UBA2: variants seen among roughly 807,000 people sequenced by gnomAD.
The protein encoded by UBA2 is ubiquitin like modifier activating enzyme 2, also known as SUMO-activating enzyme subunit 2.
A neutral mutation model predicts 77.2 loss-of-function variants in UBA2; 11 were observed. The observed-to-expected ratio is 0.14, with a 90% CI of 0.09 to 0.24. The LOEUF is 0.24. Among genes scored for constraint, UBA2 ranks in the 10% least tolerant of loss-of-function variants. The pLI is 1.00. For missense variants in UBA2, 487 were observed against 781.7 expected (o/e 0.62, Z 4.50); for synonymous variants, 278 against 276.7 (o/e 1.00, Z -0.05).
At position 34,464,096 on chromosome 19, in the gene UBA2, C is replaced by T. The variant is rs1450033763; in HGVS notation, c.1569C>T (p.Leu523=). 4 of 1,613,418 alleles carry T rather than the reference C, an allele frequency of 2.5e-6. No homozygotes were observed. The highest frequency in any genetic ancestry group is 2.2e-5 in the South Asian group (2 of 91,056). ...GCCGGCTTCAAGCAGATGACTTCCT[C>T]CAGGACTATACTTTATTGATCAACA... ...NGSRLQADDF[L]QDYTLLINIL... is the part of the protein sequence containing the mutation. The change falls in exon 15 of 17, where the codon CTC becomes CTT. Residue 523 remains leucine, a synonymous_variant. Coordinates refer to ENST00000246548, the MANE Select transcript of UBA2 (RefSeq NM_005499.3).
At chr19:34,462,065 G>A (rs1278209752) in intron 14 of UBA2, among the ~76,000 whole-genome samples, 1 of 152,162 alleles carries the variant, frequency 6.6e-6, no homozygotes, top group East Asian at 1.9e-4. Context: ...GTGCTGAGGG[G>A]TTGGCAGCAG....
intron 15 of UBA2, 97 bp from the exon 16 acceptor site, chr19:34,466,781 G>GTA (rs2075692909): frequency 1.0e-6 from 1 of 983,052 alleles, no homozygotes; most frequent in African/African-American, 1.6e-5. Context: ...CATATTTGGT[G>GTA]TATACATAGT....
intron 10 of UBA2, among the ~76,000 whole-genome samples, chr19:34,453,875 T>C (rs1314188079): frequency 4.6e-5 from 7 of 152,144 alleles, no homozygotes; most frequent in Non-Finnish European, 8.8e-5. Context: ...GGATTCTGTG[T>C]TTGTCCAGCA....
intron 16 of UBA2, among the ~76,000 whole-genome samples, chr19:34,468,102 A>C (rs2075706668): frequency 6.6e-6 from 1 of 152,134 alleles, no homozygotes; most frequent in Non-Finnish European, 1.5e-5. Context: ...CTGATTGTTT[A>C]CTGTATTCTG....
rs2075262751 is a variant in UBA2 at position 34,432,102 on chromosome 19, T to G, written c.293+171T>G. 8.2e-6 allele frequency: 4 copies of G among 486,054 alleles called. No individual in the cohort carries two copies. In the Admixed American group the frequency reaches 1.1e-4, roughly 14 times the overall value. The allele number at this position is 486,054 out of a possible 1,614,324, so 30.1% of individuals were successfully genotyped here. A position where few individuals can be genotyped will look rare whatever the true frequency, so the allele number is the denominator to read the frequency against. The stretch of plus-strand genomic sequence containing the variant: ...TTTTACCAGTTCATAAATACATGGT[T>G]TGAATGATTTAGAATGGTGAGATAG... On this transcript the variant is annotated intron_variant, in intron 3 of 16. Transcript: ENST00000246548.
chr19:34,457,039 A>G (rs1440024787), intron 12 of UBA2, among the ~76,000 whole-genome samples: 1 of 150,326 alleles, frequency 6.7e-6, no homozygotes, highest in Non-Finnish European at 1.5e-5. Context: ...ATTAATAGTA[A>G]TATATCTGGC....
At chr19:34,466,501 C>G (rs1013573403) in intron 15 of UBA2, among the ~76,000 whole-genome samples, 1 of 152,098 alleles carries the variant, frequency 6.6e-6, no homozygotes, top group Non-Finnish European at 1.5e-5. Flanking sequence ...AACAAAAAAC[C>G]AAAACCTTGC....
intron 1 of UBA2, among the ~76,000 whole-genome samples, chr19:34,429,695 G>A (rs1568365386): frequency 6.6e-6 from 1 of 151,898 alleles, no homozygotes; most frequent in East Asian, 2.0e-4. Context: ...AATTAGCGGG[G>A]CGTGGTGGTG....
rs1177818736 is a variant in UBA2 at position 34,453,408 on chromosome 19, C to T, written c.1039-852C>T. On this transcript the variant is annotated intron_variant, in intron 10 of 16. Coordinates refer to ENST00000246548, the MANE Select transcript of UBA2 (RefSeq NM_005499.3). Reference sequence around the variant, plus strand: ...AACAGGAAAAACTTGGATTGTATTGCCTTATTTGAAGAAACAGCATATGTG... The same window carrying T: ...AACAGGAAAAACTTGGATTGTATTGTCTTATTTGAAGAAACAGCATATGTG... 2.6e-5 allele frequency among the ~76,000 whole-genome samples: 4 copies of T among 151,872 alleles called. No individual in the cohort carries two copies. The East Asian group carries it at 7.7e-4, about 29-fold the overall frequency.
chr19:34,431,768 T>C, intron 2 of UBA2, 93 bp from the exon 3 acceptor site: 1 of 1,068,244 alleles, frequency 9.4e-7, no homozygotes, highest in Non-Finnish European at 1.4e-6. Flanking sequence ...AATAAGGTAC[T>C]ATGTAAGTAG....
At chr19:34,459,970 G>A (rs1302602472) in intron 13 of UBA2, among the ~76,000 whole-genome samples, 1 of 152,082 alleles carries the variant, frequency 6.6e-6, no homozygotes, top group African/African-American at 2.4e-5. Context: ...TCTATTTGTA[G>A]GATTCTTAGA....
At chr19:34,446,601 T>TC (rs1273401938) in intron 8 of UBA2, among the ~76,000 whole-genome samples, 7 of 71,414 alleles carry the variant, frequency 9.8e-5, no homozygotes, top group Admixed American at 9.1e-4. Context: ...TGTTGACTTT[T>TC]TTTTTTCTTT....
At chr19:34,467,526 AC>A (rs1344157127) in intron 16 of UBA2, among the ~76,000 whole-genome samples, 9 of 151,928 alleles carry the variant, frequency 5.9e-5, no homozygotes, top group African/African-American at 2.2e-4. Context: ...TGTAACCCCA[AC>A]GCTTTGGGAG....
chr19:34,428,993 G>A (rs1437533903), intron 1 of UBA2: 2 of 985,648 alleles, frequency 2.0e-6, no homozygotes, highest in Non-Finnish European at 2.4e-6. Flanking sequence ...GGCGGAGGAT[G>A]GCAATGATAG....
At chr19:34,429,394 A>C (rs1269064929) in intron 1 of UBA2, among the ~76,000 whole-genome samples, 2 of 152,218 alleles carry the variant, frequency 1.3e-5, no homozygotes, top group African/African-American at 4.8e-5. Context: ...GGCTAGTGGA[A>C]ACATGGAATG....
chr19:34,435,736 A>G (rs1296642511), intron 5 of UBA2, among the ~76,000 whole-genome samples: 1 of 151,910 alleles, frequency 6.6e-6, no homozygotes, highest in African/African-American at 2.4e-5. Flanking sequence ...AGACTGAAGC[A>G]TGAGAATTGC....
chr19:34,469,250 T>C lies in UBA2; in HGVS notation c.*29T>C, dbSNP rs2075717036. Reference sequence around the variant, plus strand: ...GAAATGCCTCTAAACAGAACCCTCTTACTATTTAGTTTATCTGGGCAGAAC... The same window carrying C: ...GAAATGCCTCTAAACAGAACCCTCTCACTATTTAGTTTATCTGGGCAGAAC... On this transcript the variant is annotated 3_prime_UTR_variant, in exon 17 of 17. Transcript: ENST00000246548. 1 of 1,513,394 alleles carries C rather than the reference T, an allele frequency of 6.6e-7. No individual in the cohort carries two copies. The highest frequency in any genetic ancestry group is 8.8e-7 in the Non-Finnish European group (1 of 1,136,188). 93.7% of individuals were successfully genotyped at this position (1,513,394 alleles called of 1,614,324 possible). A position where few individuals can be genotyped will look rare whatever the true frequency, so the allele number is the denominator to read the frequency against.
Position 34,456,102 on chromosome 19 carries a change from TTTTC to T in UBA2, c.1245+1550_1245+1553del, listed in dbSNP as rs369184752. Among the ~76,000 whole-genome samples, 212 of 42,998 alleles carry T rather than the reference TTTTC, an allele frequency of 4.9e-3. 24 individuals carry two copies. The highest frequency in any genetic ancestry group is 7.1e-3 in the Non-Finnish European group (107 of 15,174). 28.2% of individuals were successfully genotyped at this position (42,998 alleles called of 152,430 possible). ...CGATGCGCTCTTTTTTTCCTTTTCT[TTTTC>T]TTTTTTTTTTTTTTTTTTGAGGTGG... On this transcript the variant is annotated intron_variant, in intron 12 of 16. Transcript: ENST00000246548.
intron 15 of UBA2, among the ~76,000 whole-genome samples, chr19:34,465,910 G>A (rs1362535298): frequency 6.6e-6 from 1 of 152,108 alleles, no homozygotes; most frequent in Non-Finnish European, 1.5e-5. Flanking sequence ...TAAAACGTGT[G>A]TCTTTTGTTT....
Sources: gnomAD v4.1 joint callset for allele counts (sites outside exome capture counted in the v4.1 genomes callset) on GRCh38, gnomAD v4.1.1 for gene constraint, MANE v1.5 for transcripts, NCBI Gene and HGNC (gene_info 2026-07-23, HGNC 2026-07-21) for gene names.